Variants in ARFGEF1 observed in about 807,000 individuals in gnomAD.
ARFGEF1 encodes the protein brefeldin A-inhibited guanine nucleotide-exchange protein 1.
A neutral mutation model predicts 231.0 loss-of-function variants in ARFGEF1; 42 were observed. The ratio of observed to expected loss-of-function variants is 0.18; its 90% CI spans 0.14 to 0.24. The LOEUF (loss-of-function observed/expected upper bound fraction) is 0.24. ARFGEF1 is among the 10% of genes least tolerant of loss of function. The probability of loss-of-function intolerance (pLI) is 1.00; values close to 1 mark genes in which losing one functional copy is unlikely to be tolerated. For synonymous variants in ARFGEF1, 710 were observed against 732.3 expected, an observed-to-expected ratio of 0.97 and a Z score of 0.49; for missense variants, 1,345 against 2,192.0, an observed-to-expected ratio of 0.61 and a Z score of 7.72.
chr8:67,200,265 C>T, intron 38 of ARFGEF1, 131 bp downstream of exon 38: 2 of 742,786 alleles, frequency 2.7e-6, no homozygotes, highest in South Asian at 1.4e-5. Flanking sequence ...GGTGGCTTTG[C>T]ACAAGCAGCA....
intron 1 of ARFGEF1, among the ~76,000 whole-genome samples, chr8:67,307,062 A>G (rs1295840077): frequency 6.6e-6 from 1 of 152,258 alleles, no homozygotes; most frequent in Non-Finnish European, 1.5e-5. Context: ...TACAGGCGTG[A>G]GCCACCACGC....
At chr8:67,256,727 C>G (rs947214848) in intron 17 of ARFGEF1, among the ~76,000 whole-genome samples, 27 of 152,090 alleles carry the variant, frequency 1.8e-4, no homozygotes, top group African/African-American at 6.0e-4. Flanking sequence ...AACTTTAAAT[C>G]AAACTTTTTA....
At chr8:67,236,455 ATCT>A (rs1189911058) in intron 22 of ARFGEF1, among the ~76,000 whole-genome samples, 1 of 135,376 alleles carries the variant, frequency 7.4e-6, no homozygotes, top group African/African-American at 2.7e-5. Flanking sequence ...ACTGTACCAC[ATCT>A]TCTTCTAGCT....
chr8:67,193,459 T>A, downstream of ARFGEF1: 1 of 1,610,866 alleles, frequency 6.2e-7, no homozygotes, highest in Non-Finnish European at 8.5e-7. Flanking sequence ...GTTTTCTAAC[T>A]ACAGGATAGC....
chr8:67,291,290 TTATAA>T (rs1382431162), intron 6 of ARFGEF1, among the ~76,000 whole-genome samples: 5 of 152,094 alleles, frequency 3.3e-5, no homozygotes, highest in Non-Finnish European at 7.4e-5. Flanking sequence ...AAGCGTTTTC[TTATAA>T]TATACACTTA....
intron 1 of ARFGEF1, among the ~76,000 whole-genome samples, chr8:67,328,910 A>T (rs1807964185): frequency 6.6e-6 from 1 of 152,206 alleles, no homozygotes; most frequent in Non-Finnish European, 1.5e-5. Flanking sequence ...AGGAATGGAA[A>T]TACTGTGGTA....
intron 36 of ARFGEF1, 172 bp from the exon 37 acceptor site, chr8:67,201,777 C>A: frequency 1.2e-6 from 1 of 818,874 alleles, no homozygotes; most frequent in Non-Finnish European, 1.9e-6. Context: ...GAATTCCCTC[C>A]CTATTCAAGC....
At chr8:67,217,011 AATC>A (rs1015007148) in intron 32 of ARFGEF1, among the ~76,000 whole-genome samples, 2 of 152,060 alleles carry the variant, frequency 1.3e-5, no homozygotes, top group African/African-American at 4.8e-5. Flanking sequence ...AAAAAAAAAA[AATC>A]ATAAAATTGG....
intron 9 of ARFGEF1, among the ~76,000 whole-genome samples, chr8:67,274,872 A>C (rs1805246504): frequency 6.6e-6 from 1 of 152,100 alleles, no homozygotes; most frequent in African/African-American, 2.4e-5. Flanking sequence ...AGACTTTTTA[A>C]AATTCAAAAC....
chr8:67,304,208 G>A (rs1806634077), intron 1 of ARFGEF1, among the ~76,000 whole-genome samples: 1 of 152,142 alleles, frequency 6.6e-6, no homozygotes, highest in South Asian at 2.1e-4. Context: ...AAGCGACTTT[G>A]ACAAATCACC....
At position 67,217,949 on chromosome 8, in the gene ARFGEF1, ATAT is replaced by A; in HGVS notation, c.4475-32_4475-30del. 1.9e-6 allele frequency: 3 copies of A among 1,612,920 alleles called. No individual in the cohort carries two copies. The Middle Eastern group carries it at 5.0e-4, about 266-fold the overall frequency. On this transcript the variant is annotated intron_variant, in intron 31 of 38. Coordinates refer to ENST00000262215, the MANE Select transcript of ARFGEF1 (RefSeq NM_006421.5). The stretch of plus-strand genomic sequence containing the variant: ...GGAAAGAAAAGAGCAATTCATTTAT[ATAT>A]TACCAGGGTCACATTTAACACTTTG...
At chr8:67,192,767 G>C (rs1211483527), downstream of ARFGEF1, among the ~76,000 whole-genome samples, 1 of 152,190 alleles carries the variant, frequency 6.6e-6, no homozygotes. Flanking sequence ...TTTAAAGACT[G>C]TTCTCCCACT....
chr8:67,296,326 T>C (rs1056705416), intron 5 of ARFGEF1, 105 bp downstream of exon 5: 8 of 1,034,196 alleles, frequency 7.7e-6, no homozygotes, highest in Non-Finnish European at 1.1e-5. Flanking sequence ...ATAAAAGACA[T>C]TCTTTTCTAC....
At chr8:67,266,573 C>A (rs951111691) in intron 13 of ARFGEF1, among the ~76,000 whole-genome samples, 3 of 152,072 alleles carry the variant, frequency 2.0e-5, no homozygotes, top group Non-Finnish European at 4.4e-5. Flanking sequence ...AACAATTCAA[C>A]CTTCTTAAAA....
intron 5 of ARFGEF1, among the ~76,000 whole-genome samples, chr8:67,295,490 CACA>C (rs1239072638): frequency 7.9e-5 from 12 of 152,104 alleles, no homozygotes; most frequent in African/African-American, 2.7e-4. Flanking sequence ...GCAAAAAATG[CACA>C]ACCTCATTCT....
chr8:67,296,717 C>T (rs1806251930), intron 4 of ARFGEF1, 107 bp from the exon 5 acceptor site: 1 of 837,140 alleles, frequency 1.2e-6, no homozygotes, highest in African/African-American at 1.7e-5. Context: ...GTAGTGTGAT[C>T]ATAGTTCACT....
intron 19 of ARFGEF1, among the ~76,000 whole-genome samples, chr8:67,246,540 G>A (rs537426629): frequency 1.3e-5 from 2 of 150,392 alleles, no homozygotes. Context: ...GAAGGAAATT[G>A]AAAAATTTAT....
intron 7 of ARFGEF1, among the ~76,000 whole-genome samples, chr8:67,282,119 T>C (rs1805560629): frequency 6.6e-6 from 1 of 152,004 alleles, no homozygotes; most frequent in South Asian, 2.1e-4. Flanking sequence ...ATTGATACTA[T>C]AGAATACAAA....
Position 67,227,301 on chromosome 8 carries a change from G to C in ARFGEF1, c.3752C>G (p.Thr1251Arg). 1 of 1,610,626 alleles carries C rather than the reference G, an allele frequency of 6.2e-7. No individual in the cohort carries two copies. Among genetic ancestry groups the C allele is most frequent in the Non-Finnish European group, 8.5e-7 (1 of 1,177,936 alleles). ...ACACCGTACAACCATATCTCGAATTGTTGGAGACCTAAAAATATTAATATA... is the reference window on the plus strand; with the variant it reads ...ACACCGTACAACCATATCTCGAATTCTTGGAGACCTAAAAATATTAATATA... ...EHIMKRNRSP[T>R]IRDMVVRCIA... The change falls in exon 27 of 39, where the codon ACA (threonine) becomes AGA (arginine). Residue 1251 changes from threonine to arginine, a missense_variant. Physicochemically the swap from Thr to Arg is moderately conservative, Grantham distance 71. Coordinates refer to ENST00000262215, the MANE Select transcript of ARFGEF1 (RefSeq NM_006421.5).
Sources: gnomAD v4.1 joint callset for allele counts (sites outside exome capture counted in the v4.1 genomes callset) on GRCh38, gnomAD v4.1.1 for gene constraint, MANE v1.5 for transcripts, NCBI Gene and HGNC (gene_info 2026-07-23, HGNC 2026-07-21) for gene names.